Variants in PIGN observed in about 807,000 individuals in gnomAD.
PIGN encodes GPI ethanolamine phosphate transferase 1.
PIGN carries 117 observed loss-of-function variants against 125.4 expected under a neutral mutation model. The ratio of observed to expected loss-of-function variants is 0.93; its 90% CI spans 0.80 to 1.09. PIGN has a LOEUF of 1.09. Ranked by LOEUF, PIGN falls within the 50% of genes least tolerant of loss-of-function variation. PIGN has a pLI of 0.00. For synonymous variants in PIGN, 392 were observed against 377.8 expected (o/e 1.04, Z -0.44); for missense variants, 1,075 against 1,094.9 (o/e 0.98, Z 0.26).
intron 10 of PIGN, among the ~76,000 whole-genome samples, chr18:62,145,657 G>A (rs2036300019): frequency 6.6e-6 from 1 of 152,006 alleles, no homozygotes; most frequent in Non-Finnish European, 1.5e-5. Context: ...AACATCAAAA[G>A]TTCAGTTTAT....
intron 23 of PIGN, among the ~76,000 whole-genome samples, chr18:62,019,461 G>T (rs2030025152): frequency 6.6e-6 from 1 of 152,200 alleles, no homozygotes; most frequent in Non-Finnish European, 1.5e-5. Flanking sequence ...AGAGTTAGGG[G>T]AAATTACCTG....
At chr18:62,125,103 CG>C (rs1447078922) in intron 14 of PIGN, among the ~76,000 whole-genome samples, 1 of 130,920 alleles carries the variant, frequency 7.6e-6, no homozygotes, top group Non-Finnish European at 1.6e-5. Context: ...TATATATACA[CG>C]TTTGTACATA....
rs375198497 is a variant in PIGN at position 62,084,837 on chromosome 18, G to A, written c.2427-231C>T. Among the ~76,000 whole-genome samples, 6 of 152,308 alleles carry A rather than the reference G, an allele frequency of 3.9e-5. No individual in the cohort carries two copies. The East Asian group carries it at 9.6e-4, about 24-fold the overall frequency. Reference sequence around the variant, plus strand: ...AAAAGCAAGGTGCAGGCTGGGTGCCGTGGCTCACGCCTGTAATCCCAGCAC... The same window carrying A: ...AAAAGCAAGGTGCAGGCTGGGTGCCATGGCTCACGCCTGTAATCCCAGCAC... On this transcript the variant is annotated intron_variant, in intron 26 of 30. Transcript: ENST00000640252.
chr18:62,113,222 A>T lies in PIGN; in HGVS notation c.1346T>A (p.Ile449Asn), dbSNP rs1195795021. The change falls in exon 16 of 31, where the codon ATT becomes AAT. Residue 449 changes from isoleucine to asparagine, a missense_variant. Coordinates refer to ENST00000640252, the MANE Select transcript of PIGN (RefSeq NM_176787.5). ...ATAAGATATCCATCCCACAAAACCAATAACAACATTGACGCCCAAAAAGAA... is the reference window on the plus strand; with the variant it reads ...ATAAGATATCCATCCCACAAAACCATTAACAACATTGACGCCCAAAAAGAA... ...DRFFLGVNVVIGFVGWISYAS... is the reference protein window; with the variant it reads ...DRFFLGVNVVNGFVGWISYAS... 6.2e-7 allele frequency: 1 copy of T among 1,613,078 alleles called. No homozygotes were observed. The highest frequency in any genetic ancestry group is 1.3e-5 in the African/African-American group (1 of 75,036).
intron 1 of PIGN, among the ~76,000 whole-genome samples, chr18:62,178,716 T>C (rs969343462): frequency 2.0e-5 from 3 of 152,172 alleles, no homozygotes; most frequent in Admixed American, 1.3e-4. Context: ...CATTTGCTTA[T>C]TATTCTGGGG....
chr18:62,177,748 C>T (rs1169385017), intron 1 of PIGN, among the ~76,000 whole-genome samples: 1 of 152,136 alleles, frequency 6.6e-6, no homozygotes, highest in East Asian at 1.9e-4. Flanking sequence ...GACTTTATTC[C>T]TTTTGTTTAT....
intron 23 of PIGN, among the ~76,000 whole-genome samples, chr18:62,024,026 G>A (rs2030085040): frequency 6.6e-6 from 1 of 152,168 alleles, no homozygotes; most frequent in Non-Finnish European, 1.5e-5. Context: ...TGGGAAGTAA[G>A]GATGCCCTAT....
At position 62,139,043 on chromosome 18, in the gene PIGN, A is replaced by G. The variant is rs537615727; in HGVS notation, c.1056T>C (p.Thr352=). 1.2e-6 allele frequency: 2 copies of G among 1,607,558 alleles called. No individual in the cohort carries two copies. The highest frequency in any genetic ancestry group is 2.7e-5 in the African/African-American group (2 of 74,958). ...GILPVDYLNN[T]DLFKAESMFT... is the part of the protein sequence containing the mutation. Reference sequence around the variant, plus strand: ...ACATGCTCTCTGCTTTGAAGAGATCAGTGTTGTTAAGATAATCCACAGGAA... The same window carrying G: ...ACATGCTCTCTGCTTTGAAGAGATCGGTGTTGTTAAGATAATCCACAGGAA... The change falls in exon 13 of 31, where the codon ACT becomes ACC. Residue 352 remains threonine (T), a synonymous_variant. Coordinates refer to ENST00000640252, the MANE Select transcript of PIGN (RefSeq NM_176787.5).
At chr18:62,145,879 A>G (rs369807021) in intron 10 of PIGN, 30 bp downstream of exon 10, 6 of 1,081,796 alleles carry the variant, frequency 5.5e-6, no homozygotes, top group Non-Finnish European at 8.5e-6. Flanking sequence ...AAGAGGTTGT[A>G]TTTATAAACC....
At chr18:62,101,844 C>A (rs538221930) in intron 21 of PIGN, among the ~76,000 whole-genome samples, 181 of 152,212 alleles carry the variant, frequency 1.2e-3, no homozygotes, top group African/African-American at 4.2e-3. Context: ...TGTTTTCCAT[C>A]GTTATCTATG....
intron 30 of PIGN, among the ~76,000 whole-genome samples, chr18:62,059,965 C>T (rs1051125327): frequency 1.3e-5 from 2 of 152,136 alleles, no homozygotes; most frequent in African/African-American, 4.8e-5. Flanking sequence ...GTTTGTAAAA[C>T]CAGTAGGTGA....
chr18:62,059,035 T>C (rs1460475326), intron 30 of PIGN: 1 of 151,332 alleles, frequency 6.6e-6, no homozygotes, highest in Non-Finnish European at 1.5e-5. Context: ...AAAATAAAAA[T>C]TAAAATAATT....
chr18:62,086,496 A>G, intron 25 of PIGN, among the ~76,000 whole-genome samples: 1 of 152,138 alleles, frequency 6.6e-6, no homozygotes, highest in African/African-American at 2.4e-5. Flanking sequence ...GCACGCCTAT[A>G]GTCCCAGCTA....
At chr18:62,025,598 T>G (rs1319586296) in intron 23 of PIGN, among the ~76,000 whole-genome samples, 1 of 152,218 alleles carries the variant, frequency 6.6e-6, no homozygotes, top group Admixed American at 6.5e-5. Context: ...GCACAGAGCT[T>G]GTTTCTAAGT....
intron 1 of PIGN, among the ~76,000 whole-genome samples, chr18:62,177,371 T>C (rs545137522): frequency 6.6e-6 from 1 of 152,330 alleles, no homozygotes; most frequent in South Asian, 2.1e-4. Flanking sequence ...ATTCTAATAA[T>C]TTATATCTCT....
intron 23 of PIGN, among the ~76,000 whole-genome samples, chr18:62,035,836 C>T (rs2030254794): frequency 6.6e-6 from 1 of 152,132 alleles, no homozygotes; most frequent in Admixed American, 6.5e-5. Flanking sequence ...ATGTCAGGAA[C>T]ATAATCAGAT....
chr18:62,058,197 AC>A (rs202060316), intron 30 of PIGN, among the ~76,000 whole-genome samples: 1,682 of 152,096 alleles, frequency 0.011, 82 homozygotes, highest in East Asian at 0.089. Flanking sequence ...TATTTCCTTA[AC>A]CCTTTTTCCT....
chr18:62,025,281 C>A lies in PIGN; in HGVS notation c.2143-7540G>T, dbSNP rs149463865. On this transcript the variant is annotated intron_variant, in intron 23 of 24. Transcript: ENST00000639600. ...TTCAACTTGGTTTGTTTTCAGTCAA[C>A]ATTAGGTTTTTGTGTTCTAAATGAA... Among the ~76,000 whole-genome samples, 139 of 152,276 alleles carry A rather than the reference C, an allele frequency of 9.1e-4. 1 individual carries two copies. The Middle Eastern group carries it at 0.017, about 19-fold the overall frequency.
At chr18:62,035,718 A>G (rs929049736) in intron 23 of PIGN, among the ~76,000 whole-genome samples, 10 of 121,516 alleles carry the variant, frequency 8.2e-5, no homozygotes, top group African/African-American at 2.9e-4. Flanking sequence ...GATGTTCCCC[A>G]TCCTGTGTCC....
Sources: allele counts gnomAD v4.1 joint callset (sites outside exome capture counted in the v4.1 genomes callset), GRCh38; gene constraint gnomAD v4.1.1; transcripts MANE v1.5; gene names NCBI Gene and HGNC (gene_info 2026-07-23, HGNC 2026-07-21).